The following NADSYN1 variants were observed in gnomAD, a reference collection of about 807,000 sequenced individuals.
NADSYN1 encodes glutamine-dependent NAD(+) synthetase.
Under a neutral mutation model 99.3 loss-of-function variants are expected in NADSYN1, and 80 were observed. That is an observed-to-expected ratio of 0.81 (90% confidence interval 0.67 to 0.97). The LOEUF is 0.97. NADSYN1 is among the 50% of genes least tolerant of loss of function. The probability of loss-of-function intolerance (pLI) is 0.00; values close to 1 mark genes in which losing one functional copy is unlikely to be tolerated. For synonymous variants in NADSYN1, 385 were observed against 372.1 expected, an observed-to-expected ratio of 1.03 and a Z score of -0.40; for missense variants, 859 against 948.5, an observed-to-expected ratio of 0.91 and a Z score of 1.24.
chr11:71,469,946 A>AAAAAAAAAAAAG (rs1565598908), intron 5 of NADSYN1, among the ~76,000 whole-genome samples: 10 of 134,182 alleles, frequency 7.5e-5, no homozygotes, highest in Admixed American at 3.0e-4. Flanking sequence ...AAAAAAAAAG[A>AAAAAAAAAAAAG]CGTGTGTTAG....
intron 3 of NADSYN1, among the ~76,000 whole-genome samples, chr11:71,461,146 C>T (rs187064974): frequency 5.3e-5 from 8 of 152,128 alleles, no homozygotes; most frequent in South Asian, 2.1e-4. Flanking sequence ...GTGCGTTGTT[C>T]GGTGTGTGAC....
chr11:71,453,289 C>A lies in NADSYN1; in HGVS notation c.-8C>A, dbSNP rs757035288. ...CGCTGGCCTCCTGCCCAAGCGACTG[C>A]GGCCAGGATGGGCCGGAAGGTGACC... On this transcript the variant is annotated 5_prime_UTR_variant, in exon 1 of 21. Transcript: ENST00000319023. 43 of 1,612,374 alleles carry A rather than the reference C, an allele frequency of 2.7e-5. No homozygotes were observed. In the South Asian group the frequency reaches 4.4e-4, roughly 16 times the overall value.
chr11:71,472,997 GC>G (rs1204644631), intron 6 of NADSYN1, among the ~76,000 whole-genome samples: 1 of 152,202 alleles, frequency 6.6e-6, no homozygotes, highest in Non-Finnish European at 1.5e-5. Flanking sequence ...GAAGCTGCTG[GC>G]CCCAATTGGC....
chr11:71,466,980 G>C (rs771881928), intron 5 of NADSYN1, among the ~76,000 whole-genome samples: 1 of 152,048 alleles, frequency 6.6e-6, no homozygotes, highest in Non-Finnish European at 1.5e-5. Flanking sequence ...AGGTGGGGGG[G>C]TGGGCAGGAG....
chr11:71,481,546 G>A (rs1949708036), intron 12 of NADSYN1, 142 bp downstream of exon 12: 2 of 870,412 alleles, frequency 2.3e-6, no homozygotes, highest in Non-Finnish European at 1.8e-6. Flanking sequence ...TCCATGGGGA[G>A]CTTAGTCTGT....
intron 8 of NADSYN1, 49 bp from the exon 9 acceptor site, chr11:71,474,346 G>A (rs771368063): frequency 1.9e-6 from 3 of 1,610,752 alleles, no homozygotes. Flanking sequence ...TGGCAGGTGA[G>A]GGTGGTGGAC....
At chr11:71,481,450 G>A in intron 12 of NADSYN1, 46 bp downstream of exon 12, 1 of 1,587,126 alleles carries the variant, frequency 6.3e-7, no homozygotes, top group Non-Finnish European at 8.7e-7. Flanking sequence ...TGTTCTGCTG[G>A]TTGGTCTGGT....
intron 5 of NADSYN1, among the ~76,000 whole-genome samples, chr11:71,469,287 G>A (rs1949612347): frequency 6.6e-6 from 1 of 152,160 alleles, no homozygotes; most frequent in Admixed American, 6.5e-5. Context: ...TGGGCAACGT[G>A]GTGAAACCCC....
chr11:71,475,502 G>C (rs1370880495), intron 9 of NADSYN1: 1 of 153,518 alleles, frequency 6.5e-6, no homozygotes, highest in Non-Finnish European at 1.4e-5. Flanking sequence ...CAGCAACTGA[G>C]CTGCCGCTTG....
At chr11:71,482,050 G>A (rs1251095818) in intron 13 of NADSYN1, 25 bp downstream of exon 13, 1 of 1,587,600 alleles carries the variant, frequency 6.3e-7, no homozygotes. Flanking sequence ...TTGGCTTGAG[G>A]GAGGCTCCAG....
At chr11:71,457,013 A>G (rs1949518777) in intron 2 of NADSYN1, among the ~76,000 whole-genome samples, 1 of 152,246 alleles carries the variant, frequency 6.6e-6, no homozygotes, top group Non-Finnish European at 1.5e-5. Context: ...TGGTGCTGGA[A>G]GCTTTGGAAA....
intron 3 of NADSYN1, among the ~76,000 whole-genome samples, chr11:71,461,736 T>C (rs1477499117): frequency 1.3e-5 from 2 of 152,122 alleles, no homozygotes; most frequent in South Asian, 4.1e-4. Flanking sequence ...CGCTACACAC[T>C]ATTAAAACGA....
intron 17 of NADSYN1, among the ~76,000 whole-genome samples, chr11:71,491,473 T>C (rs373461704): frequency 3.4e-4 from 52 of 152,294 alleles, no homozygotes; most frequent in African/African-American, 1.2e-3. Flanking sequence ...TGCTGGGTGT[T>C]AGCAGGTAGA....
At chr11:71,489,821 C>T (rs1389781361) in intron 16 of NADSYN1, among the ~76,000 whole-genome samples, 2 of 152,134 alleles carry the variant, frequency 1.3e-5, no homozygotes, top group African/African-American at 4.8e-5. Context: ...GTGGGATAGG[C>T]AGGGGCCAGC....
intron 9 of NADSYN1, chr11:71,477,421 A>G (rs770400404): frequency 1.6e-6 from 2 of 1,289,804 alleles, no homozygotes; most frequent in African/African-American, 1.5e-5. Flanking sequence ...CCTTGTCTTC[A>G]TGGGCATCTC....
Position 71,481,937 on chromosome 11 carries a change from G to T in NADSYN1, c.1062G>T (p.Leu354=), listed in dbSNP as rs761700375. ...GTCCATTCCAGGCAGGGTTTTTGCT[G>T]CCCTTGAGTGGCGGGGTGGACAGCG... ...LRRSQQAGFL[L]PLSGGVDSAA... Residue 354 remains leucine (L), a synonymous_variant, in exon 13 of 21, where the codon CTG becomes CTT. Transcript: ENST00000319023. The T allele has an allele frequency of 1.4e-5, 23 of 1,613,166 alleles. No homozygotes were observed. The highest frequency in any genetic ancestry group is 2.2e-5 in the South Asian group (2 of 90,956).
At chr11:71,490,798 G>T in intron 16 of NADSYN1, 47 bp from the exon 17 acceptor site, 1 of 1,606,072 alleles carries the variant, frequency 6.2e-7, no homozygotes, top group Non-Finnish European at 8.5e-7. Context: ...GGTTGATGGA[G>T]TCTGCGGCCC....
chr11:71,485,795 C>T (rs1949738553), intron 16 of NADSYN1, 147 bp downstream of exon 16: 3 of 628,232 alleles, frequency 4.8e-6, no homozygotes, highest in Non-Finnish European at 8.0e-6. Context: ...TTTCACCCAA[C>T]CCGAGTGGCA....
chr11:71,473,486 CG>C (rs1401769867), intron 7 of NADSYN1, 82 bp from the exon 8 acceptor site: 1 of 1,526,658 alleles, frequency 6.6e-7, no homozygotes, highest in African/African-American at 1.4e-5. Flanking sequence ...TGGGAGCTGC[CG>C]TGGGAGAGTG....
Sources: allele counts gnomAD v4.1 joint callset (sites outside exome capture counted in the v4.1 genomes callset), GRCh38; gene constraint gnomAD v4.1.1; transcripts MANE v1.5; gene names NCBI Gene and HGNC (gene_info 2026-07-23, HGNC 2026-07-21).